RTKN2: variants seen among roughly 807,000 people sequenced by gnomAD.
RTKN2 encodes the protein rhotekin 2.
RTKN2 carries 69 observed loss-of-function variants against 71.5 expected under a neutral mutation model. That is an observed-to-expected ratio of 0.96 (90% CI 0.79 to 1.18). The LOEUF (loss-of-function observed/expected upper bound fraction) is 1.18, where lower values mean the gene tolerates loss of function less well. Among genes scored for constraint, RTKN2 ranks in the 50% most tolerant of loss-of-function variants. The pLI, the probability that RTKN2 is intolerant of heterozygous loss-of-function variation, is 0.00. For missense variants in RTKN2, 724 were observed against 719.7 expected (o/e 1.01, Z -0.07); for synonymous variants, 236 against 236.5 (o/e 1.00, Z 0.02).
intron 9 of RTKN2, among the ~76,000 whole-genome samples, chr10:62,206,476 A>T (rs775994567): frequency 5.9e-5 from 9 of 152,256 alleles, no homozygotes; most frequent in Non-Finnish European, 1.0e-4. Flanking sequence ...TATATACTAC[A>T]CAAGGAATTC....
At chr10:62,230,641 G>A (rs550577033) in intron 6 of RTKN2, among the ~76,000 whole-genome samples, 1 of 152,256 alleles carries the variant, frequency 6.6e-6, no homozygotes, top group South Asian at 2.1e-4. Context: ...AACTGCTCGA[G>A]GTAGGCAGGG....
At position 62,248,990 on chromosome 10, in the gene RTKN2, G is replaced by A. The variant is rs746558897; in HGVS notation, c.258-2933C>T. Among the ~76,000 whole-genome samples the A allele has an allele frequency of 5.3e-5, 8 of 152,078 alleles. No individual in the cohort carries two copies. In the South Asian group the frequency reaches 6.2e-4, roughly 12 times the overall value. ...TAAGTAAAAATTAAAACACTCAAAC[G>A]TTTAGCATGAAATTTTAACCCATCC... is the stretch of plus-strand genomic sequence containing the variant. On this transcript the variant is annotated intron_variant, in intron 2 of 11. Coordinates refer to ENST00000373789, the MANE Select transcript of RTKN2 (RefSeq NM_145307.4).
In RTKN2 at chr10:62,206,829, T is replaced by C. The variant is rs112983355; in HGVS notation, c.1021-1807A>G. 3.5e-3 allele frequency among the ~76,000 whole-genome samples: 540 copies of C among 152,132 alleles called. 2 individuals are homozygous for C. The highest frequency in any genetic ancestry group is 0.011 in the African/African-American group (457 of 41,560). On this transcript the variant is annotated intron_variant, in intron 9 of 11. Transcript: ENST00000373789. ...TTCTTTTAAGTAATTATTTTTATTA[T>C]GTAACAAATTTTGCCCTAAATGGTA...
At chr10:62,219,477 T>C (rs1841857628) in intron 7 of RTKN2, among the ~76,000 whole-genome samples, 2 of 152,196 alleles carry the variant, frequency 1.3e-5, no homozygotes, top group African/African-American at 2.4e-5. Context: ...ATGGGCAACA[T>C]CTTGAATGGA....
At chr10:62,246,606 A>G (rs1419074020) in intron 2 of RTKN2, among the ~76,000 whole-genome samples, 1 of 152,060 alleles carries the variant, frequency 6.6e-6, no homozygotes, top group Non-Finnish European at 1.5e-5. Context: ...ATGTTAAAAT[A>G]ATAAATTAAC....
At chr10:62,242,867 G>C (rs903500090) in intron 3 of RTKN2, among the ~76,000 whole-genome samples, 15 of 152,108 alleles carry the variant, frequency 9.9e-5, no homozygotes, top group African/African-American at 3.4e-4. Context: ...CTGACCTCAA[G>C]TGATCTGCCT....
rs926993513 is a variant in RTKN2 at position 62,268,685 on chromosome 10, C to A, written c.-75G>T. On this transcript the variant is annotated 5_prime_UTR_variant, in exon 1 of 12. Coordinates refer to ENST00000373789, the MANE Select transcript of RTKN2 (RefSeq NM_145307.4). ...TGAAAAGCCCGCCCCTGGCAGGAGCCGCAGAGGACGCCAACCGCCCGGCCG... is the reference window on the plus strand; with the variant it reads ...TGAAAAGCCCGCCCCTGGCAGGAGCAGCAGAGGACGCCAACCGCCCGGCCG... The A allele has an allele frequency of 7.6e-6, 11 of 1,441,368 alleles. No homozygotes were observed. In the East Asian group the frequency reaches 2.5e-4, roughly 33 times the overall value. The allele number at this position is 1,441,368 out of a possible 1,614,324, so 89.3% of individuals were successfully genotyped here. A position where few individuals can be genotyped will look rare whatever the true frequency, so the allele number is the denominator to read the frequency against.
At chr10:62,259,523 T>C (rs1037777233) in intron 2 of RTKN2, among the ~76,000 whole-genome samples, 1 of 152,180 alleles carries the variant, frequency 6.6e-6, no homozygotes, top group African/African-American at 2.4e-5. Flanking sequence ...TCCTGAATAA[T>C]TCATATTTAT....
At chr10:62,185,197 G>GT (rs1841114804) in intron 8 of RTKN2, among the ~76,000 whole-genome samples, 2 of 149,432 alleles carry the variant, frequency 1.3e-5, no homozygotes, top group Non-Finnish European at 3.0e-5. Flanking sequence ...GACCTCCACA[G>GT]TTAAAAAAAA....
intron 7 of RTKN2, among the ~76,000 whole-genome samples, chr10:62,222,474 T>C (rs1455525702): frequency 6.6e-6 from 1 of 152,162 alleles, no homozygotes; most frequent in Non-Finnish European, 1.5e-5. Context: ...TTTAACATAA[T>C]TTCTCATTGT....
downstream of RTKN2, among the ~76,000 whole-genome samples, chr10:62,192,726 G>A (rs1267901697): frequency 1.3e-5 from 2 of 152,166 alleles, no homozygotes; most frequent in African/African-American, 4.8e-5. Flanking sequence ...GTTTCTAGGA[G>A]CTAAGAGTGA....
At chr10:62,207,070 A>C (rs1374688313) in intron 9 of RTKN2, among the ~76,000 whole-genome samples, 1 of 152,020 alleles carries the variant, frequency 6.6e-6, no homozygotes, top group African/African-American at 2.4e-5. Context: ...GCTTCCCTCC[A>C]CCAATTCCAT....
chr10:62,230,743 G>C (rs1407905583), intron 6 of RTKN2, among the ~76,000 whole-genome samples: 9 of 152,158 alleles, frequency 5.9e-5, no homozygotes, highest in African/African-American at 2.2e-4. Context: ...ATACTGGAAA[G>C]AGAGCCCCAG....
intron 3 of RTKN2, among the ~76,000 whole-genome samples, chr10:62,244,846 A>G (rs1321023444): frequency 6.6e-6 from 1 of 152,160 alleles, no homozygotes; most frequent in Non-Finnish European, 1.5e-5. Flanking sequence ...AATTCTTCAG[A>G]TTTTGGCCAT....
intron 6 of RTKN2, among the ~76,000 whole-genome samples, chr10:62,234,083 G>C (rs1426659606): frequency 6.6e-6 from 1 of 152,130 alleles, no homozygotes; most frequent in African/African-American, 2.4e-5. Flanking sequence ...AAGGTGAAAG[G>C]GGAACATCTT....
chr10:62,219,916 T>C (rs935088733), intron 7 of RTKN2, among the ~76,000 whole-genome samples: 2 of 152,188 alleles, frequency 1.3e-5, no homozygotes, highest in East Asian at 1.9e-4. Context: ...CCTATCTATA[T>C]GGAGGAAAGC....
At chr10:62,241,070 CTT>C in intron 4 of RTKN2, 70 bp downstream of exon 4, 1 of 798,366 alleles carries the variant, frequency 1.3e-6, no homozygotes, top group Non-Finnish European at 2.0e-6. Context: ...AGGAAGCAGT[CTT>C]TTTTCTCAAT....
chr10:62,260,517 G>A (rs1842753715), intron 2 of RTKN2, among the ~76,000 whole-genome samples: 1 of 144,876 alleles, frequency 6.9e-6, no homozygotes, highest in Non-Finnish European at 1.5e-5. Flanking sequence ...GTTTTTACAT[G>A]AATGATGAAC....
intron 2 of RTKN2, among the ~76,000 whole-genome samples, chr10:62,257,005 G>A (rs977792528): frequency 7.2e-5 from 11 of 151,920 alleles, no homozygotes; most frequent in Non-Finnish European, 1.6e-4. Context: ...TAAATTCTAA[G>A]CCCTATTTGC....
Sources: allele counts gnomAD v4.1 joint callset (sites outside exome capture counted in the v4.1 genomes callset), GRCh38; gene constraint gnomAD v4.1.1; transcripts MANE v1.5; gene names NCBI Gene and HGNC (gene_info 2026-07-23, HGNC 2026-07-21).